The following LAMA3 variants were observed in gnomAD, a reference collection of about 807,000 sequenced individuals.
The protein encoded by LAMA3 is laminin subunit alpha 3.
In LAMA3, 281 loss-of-function variants were observed where a neutral mutation model predicts 402.0. The ratio of observed to expected loss-of-function variants is 0.70; its 90% confidence interval spans 0.63 to 0.77. The LOEUF (loss-of-function observed/expected upper bound fraction) is 0.77, where lower values mean the gene tolerates loss of function less well. Ranked by LOEUF, LAMA3 falls within the 30% of genes least tolerant of loss-of-function variation. LAMA3 has a pLI of 0.00. For missense variants in LAMA3, 3,840 were observed against 4,215.5 expected (o/e 0.91, Z 2.47); for synonymous variants, 1,431 against 1,558.4 (o/e 0.92, Z 1.93).
intron 2 of LAMA3, among the ~76,000 whole-genome samples, chr18:23,729,795 G>A (rs776636582): frequency 6.6e-6 from 1 of 152,242 alleles, no homozygotes; most frequent in Admixed American, 6.5e-5. Context: ...TAGCCTCACA[G>A]GGTTGTATGG....
chr18:23,807,671 G>A (rs2062989357), intron 12 of LAMA3, among the ~76,000 whole-genome samples: 1 of 152,072 alleles, frequency 6.6e-6, no homozygotes. Context: ...CTTCTTCCTT[G>A]GTGGACATCT....
At chr18:23,768,761 G>A (rs2062132234) in intron 8 of LAMA3, among the ~76,000 whole-genome samples, 1 of 152,134 alleles carries the variant, frequency 6.6e-6, no homozygotes, top group Admixed American at 6.5e-5. Context: ...TGGTGGATTG[G>A]ATAAAGAAAA....
chr18:23,866,869 A>T (rs2064370071), intron 36 of LAMA3, among the ~76,000 whole-genome samples: 2 of 152,250 alleles, frequency 1.3e-5, no homozygotes, highest in South Asian at 4.1e-4. Flanking sequence ...CTGAAATACC[A>T]GCCCTAATGA....
rs1306262030 is a variant in LAMA3, at chr18:23,879,554, G to A, written c.5113-2382G>A. 4.6e-5 allele frequency among the ~76,000 whole-genome samples: 7 copies of A among 152,220 alleles called. No homozygotes were observed. Among genetic ancestry groups the A allele is most frequent in the African/African-American group, 1.7e-4 (7 of 41,460 alleles). The stretch of plus-strand genomic sequence containing the variant: ...ACCAACCCTTCTTTACATCGCTAGA[G>A]CCTAGCATAGTTGGGCATATAGTAA... On this transcript the variant is annotated intron_variant, in intron 39 of 74. Coordinates refer to ENST00000313654, the MANE Select transcript of LAMA3 (RefSeq NM_198129.4). This position sits in a 1 kb window ranked among gnomAD's most constrained non-coding sequence, Gnocchi z 4.2.
rs560734785 is a variant in LAMA3 at position 23,742,027 on chromosome 18, C to T, written c.448-5916C>T. Reference sequence around the variant, plus strand: ...ATCCCAGCTACTAGGGAGGCTGAGGCACAAGGATCACTTGAAACCAGGAGG... The same window carrying T: ...ATCCCAGCTACTAGGGAGGCTGAGGTACAAGGATCACTTGAAACCAGGAGG... On this transcript the variant is annotated intron_variant, in intron 2 of 74. Coordinates refer to ENST00000313654, the MANE Select transcript of LAMA3 (RefSeq NM_198129.4). Among the ~76,000 whole-genome samples, 151 of 152,312 alleles carry T rather than the reference C, an allele frequency of 9.9e-4. No individual in the cohort carries two copies. In the Middle Eastern group the frequency reaches 0.017, roughly 17 times the overall value.
intron 12 of LAMA3, among the ~76,000 whole-genome samples, chr18:23,807,594 A>C (rs1014872224): frequency 3.9e-5 from 6 of 152,088 alleles, no homozygotes; most frequent in African/African-American, 1.4e-4. Flanking sequence ...GTAGGCTAAC[A>C]GGTTGGAGAT....
intron 1 of LAMA3, among the ~76,000 whole-genome samples, chr18:23,690,381 A>C: frequency 6.6e-6 from 1 of 152,248 alleles, no homozygotes; most frequent in East Asian, 1.9e-4. Context: ...TATTCGGAGA[A>C]GTCGGTGGCA....
At chr18:23,708,568 T>C (rs1477010631) in intron 1 of LAMA3, among the ~76,000 whole-genome samples, 1 of 152,158 alleles carries the variant, frequency 6.6e-6, no homozygotes, top group Non-Finnish European at 1.5e-5. Flanking sequence ...ATACTTGATG[T>C]TCTCTGAGAC....
chr18:23,923,662 G>T (rs938481279), intron 62 of LAMA3, among the ~76,000 whole-genome samples: 2 of 152,182 alleles, frequency 1.3e-5, no homozygotes, highest in African/African-American at 4.8e-5. Context: ...CTCCAGAAAG[G>T]AGGCCAGTCT....
chr18:23,761,433 T>G (rs2061966377), intron 7 of LAMA3, among the ~76,000 whole-genome samples: 1 of 152,218 alleles, frequency 6.6e-6, no homozygotes, highest in Non-Finnish European at 1.5e-5. Context: ...GGTTCTGCAG[T>G]CAAACAAAGA....
intron 12 of LAMA3, among the ~76,000 whole-genome samples, chr18:23,785,806 T>C (rs1477951756): frequency 1.3e-5 from 2 of 152,232 alleles, no homozygotes; most frequent in Non-Finnish European, 2.9e-5. Flanking sequence ...AGATTCATTC[T>C]GGTAGAATGA....
Position 23,916,670 on chromosome 18 carries a change from G to T in LAMA3, c.7898G>T (p.Gly2633Val). 6.2e-7 allele frequency: 1 copy of T among 1,614,136 alleles called. No individual in the cohort carries two copies. The highest frequency in any genetic ancestry group is 8.5e-7 in the Non-Finnish European group (1 of 1,180,028). The change falls in exon 60 of 75, where the codon GGC (glycine) becomes GTC (valine). Residue 2633 changes from glycine (G) to valine (V), a missense_variant. This residue lies in a region of LAMA3 where 840 missense variants were observed against 981.9 expected (regional missense o/e 0.86). Coordinates refer to ENST00000313654, the MANE Select transcript of LAMA3 (RefSeq NM_198129.4). ...ACAATTCAGACCACCGTGGATAGAG[G>T]CTTGCTGTTCTTTGCAGAAAACGGG... ...GQTIQTTVDR[G>V]LLFFAENGDR...
rs1221471897 is a variant in LAMA3 at position 23,907,883 on chromosome 18, G to A, written c.6963G>A (p.Gly2321=). ...TDVERIKDTY[G]RTQNEDFKKA... ...TGGAAAGAATTAAGGACACCTATGG[G>A]AGGACACAGAACGAAGACTTCAAAA... is the stretch of plus-strand genomic sequence containing the variant. The change falls in exon 54 of 75, where the codon GGG becomes GGA. Residue 2321 remains glycine, a synonymous_variant. Transcript: ENST00000313654. 1.2e-6 allele frequency: 2 copies of A among 1,614,134 alleles called. No homozygotes were observed. The highest frequency in any genetic ancestry group is 4.5e-5 in the East Asian group (2 of 44,872).
rs754586390 is a variant in LAMA3 at position 23,847,682 on chromosome 18, G to A, written c.4136+14G>A. The A allele has an allele frequency of 7.5e-6, 12 of 1,609,872 alleles. No individual in the cohort carries two copies. In the East Asian group the frequency reaches 2.2e-4, roughly 30 times the overall value. ...CGGGCAGTGCAGGTGAGCTGGGGGAGTAGCCTGTCTGCTTCTGTCACAGGG... is the reference window on the plus strand; with the variant it reads ...CGGGCAGTGCAGGTGAGCTGGGGGAATAGCCTGTCTGCTTCTGTCACAGGG... On this transcript the variant is annotated intron_variant, in intron 32 of 74. Coordinates refer to ENST00000313654, the MANE Select transcript of LAMA3 (RefSeq NM_198129.4).
In LAMA3 at chr18:23,775,800, T is replaced by C. The variant is rs1386223485; in HGVS notation, c.1282T>C (p.Cys428Arg). Residue 428 changes from cysteine (C) to arginine (R), a missense_variant, in exon 10 of 75, where the codon TGT becomes CGT. Transcript: ENST00000313654. ...DAPDGCIPCS[C>R]DPEHADGCEQ... ...ACTGGGATTTCTCTTAGCCTGCAGC[T>C]GTGACCCTGAGCATGCGGATGGCTG... 1 of 1,613,928 alleles carries C rather than the reference T, an allele frequency of 6.2e-7. No individual in the cohort carries two copies. Among genetic ancestry groups the C allele is most frequent in the East Asian group, 2.2e-5 (1 of 44,906 alleles).
rs1378331303 is a variant in LAMA3 at position 23,914,411 on chromosome 18, C to T, written c.7331C>T (p.Ala2444Val). The stretch of plus-strand genomic sequence containing the variant: ...TCTGAGGTGGCCCTTTGTCTCCAGG[C>T]CTCCCGGGACTACATCGGCATGGCA... ...MFVMYLGNKD[A>V]SRDYIGMAVV... The change falls in exon 57 of 75, where the codon GCC (alanine) becomes GTC (valine). Residue 2444 changes from alanine (A) to valine (V), a missense_variant and splice_region_variant. Ala to Val is a moderately conservative substitution (Grantham distance 64, BLOSUM62 0). Transcript: ENST00000313654. 1 of 1,614,024 alleles carries T rather than the reference C, an allele frequency of 6.2e-7. No individual in the cohort carries two copies. Among genetic ancestry groups the T allele is most frequent in the Non-Finnish European group, 8.5e-7 (1 of 1,180,012 alleles).
chr18:23,845,244 G>A (rs903140833), intron 30 of LAMA3, 120 bp downstream of exon 30: 1 of 699,688 alleles, frequency 1.4e-6, no homozygotes, highest in East Asian at 2.7e-5. Flanking sequence ...CTGCCCAAGA[G>A]AGTGTCAGTG....
intron 23 of LAMA3, among the ~76,000 whole-genome samples, chr18:23,830,950 T>C (rs1040065589): frequency 6.6e-6 from 1 of 152,198 alleles, no homozygotes; most frequent in Non-Finnish European, 1.5e-5. Context: ...CGGTATTCCC[T>C]ACCTAAATTA....
chr18:23,899,217 C>CT (rs34000707), intron 46 of LAMA3, 71 bp from the exon 47 acceptor site: 66,637 of 1,027,074 alleles, frequency 0.065, no homozygotes, highest in Non-Finnish European at 0.073. Context: ...AAGTTTCTAC[C>CT]TTTTTTTTTT....
Sources: allele counts gnomAD v4.1 joint callset (sites outside exome capture counted in the v4.1 genomes callset), GRCh38; gene constraint gnomAD v4.1.1; regional missense constraint gnomAD v4.1.1; non-coding constraint Gnocchi (gnomAD v3.1); transcripts MANE v1.5; gene names NCBI Gene and HGNC (gene_info 2026-07-23, HGNC 2026-07-21).